The following KCND2 variants were observed in gnomAD, a reference collection of about 807,000 sequenced individuals.
KCND2 encodes A-type voltage-gated potassium channel KCND2.
In KCND2, 16 loss-of-function variants were observed where a neutral mutation model predicts 54.4. The ratio of observed to expected loss-of-function variants is 0.29; its 90% confidence interval spans 0.20 to 0.45. The LOEUF is 0.45. Ranked by LOEUF, KCND2 falls within the 20% of genes least tolerant of loss-of-function variation. The pLI is 1.00. For missense variants in KCND2, 486 were observed against 824.2 expected, an observed-to-expected ratio of 0.59 and a Z score of 5.02; for synonymous variants, 317 against 310.7, an observed-to-expected ratio of 1.02 and a Z score of -0.21.
intron 1 of KCND2, among the ~76,000 whole-genome samples, chr7:120,461,161 G>T (rs951096700): frequency 5.9e-5 from 9 of 151,954 alleles, no homozygotes; most frequent in African/African-American, 2.2e-4. Flanking sequence ...CCTTTGCCCC[G>T]AGCACCCAGC....
intron 1 of KCND2, among the ~76,000 whole-genome samples, chr7:120,726,797 C>G (rs186649572): frequency 6.6e-6 from 1 of 152,194 alleles, no homozygotes; most frequent in Non-Finnish European, 1.5e-5. Flanking sequence ...GTACAGAATG[C>G]TCCTGAACTT....
chr7:120,685,959 A>C (rs865871780), intron 1 of KCND2, among the ~76,000 whole-genome samples: 1 of 152,206 alleles, frequency 6.6e-6, no homozygotes, highest in Non-Finnish European at 1.5e-5. Context: ...GATCTCACAG[A>C]GCACATTCAA....
intron 1 of KCND2, among the ~76,000 whole-genome samples, chr7:120,614,528 C>A (rs1792997601): frequency 6.6e-6 from 1 of 152,228 alleles, no homozygotes; most frequent in East Asian, 1.9e-4. Context: ...TGCCAACAAT[C>A]TCCTGAATTT....
chr7:120,381,052 G>A (rs532740884), intron 1 of KCND2, among the ~76,000 whole-genome samples: 28 of 152,116 alleles, frequency 1.8e-4, no homozygotes, highest in Admixed American at 3.9e-4. Flanking sequence ...TGAGGTGGGA[G>A]GATTACCTGA....
chr7:120,532,206 A>G (rs1426153442), intron 1 of KCND2, among the ~76,000 whole-genome samples: 1 of 152,110 alleles, frequency 6.6e-6, no homozygotes, highest in Non-Finnish European at 1.5e-5. Context: ...ATTAAAAAAT[A>G]AAATCCATGT....
intron 1 of KCND2, among the ~76,000 whole-genome samples, chr7:120,525,342 C>A (rs1791759619): frequency 6.6e-6 from 1 of 152,168 alleles, no homozygotes; most frequent in African/African-American, 2.4e-5. Flanking sequence ...CCAGGGCATG[C>A]AACTTACCCG....
At chr7:120,519,225 A>G (rs1803244936) in intron 1 of KCND2, among the ~76,000 whole-genome samples, 1 of 151,990 alleles carries the variant, frequency 6.6e-6, no homozygotes. Flanking sequence ...ACCTGTAATC[A>G]TAGCTACTTG....
chr7:120,339,292 G>A (rs1284322174), intron 1 of KCND2, among the ~76,000 whole-genome samples: 2 of 151,628 alleles, frequency 1.3e-5, no homozygotes, highest in African/African-American at 4.9e-5. Flanking sequence ...CCCCATTACT[G>A]CAGTATTCAA....
chr7:120,447,130 T>C (rs559545261), intron 1 of KCND2, among the ~76,000 whole-genome samples: 13 of 152,152 alleles, frequency 8.5e-5, no homozygotes, highest in African/African-American at 2.6e-4. Flanking sequence ...TACTCAAACT[T>C]AGGAAGTTGG....
chr7:120,639,326 A>G (rs989051400), intron 1 of KCND2, among the ~76,000 whole-genome samples: 7 of 152,194 alleles, frequency 4.6e-5, no homozygotes, highest in Admixed American at 2.0e-4. Context: ...TTCTTTCAAT[A>G]TGATACATTT....
At chr7:120,670,915 CAA>C (rs201567194) in intron 1 of KCND2, among the ~76,000 whole-genome samples, 10 of 93,334 alleles carry the variant, frequency 1.1e-4, no homozygotes, top group Non-Finnish European at 6.9e-5. Flanking sequence ...GGCTCCGTCT[CAA>C]AAAAAAAAAA....
At chr7:120,646,792 A>G (rs1235634940) in intron 1 of KCND2, among the ~76,000 whole-genome samples, 1 of 152,250 alleles carries the variant, frequency 6.6e-6, no homozygotes, top group Non-Finnish European at 1.5e-5. Context: ...TACAGACCAT[A>G]TTCCTTTAGA....
At chr7:120,280,969 A>G (rs548293144) in intron 1 of KCND2, among the ~76,000 whole-genome samples, 1 of 152,130 alleles carries the variant, frequency 6.6e-6, no homozygotes, top group Non-Finnish European at 1.5e-5. Flanking sequence ...TTATTCAAAC[A>G]GCACTGGGGT....
chr7:120,668,996 T>A (rs1466230902), intron 1 of KCND2, among the ~76,000 whole-genome samples: 1 of 152,136 alleles, frequency 6.6e-6, no homozygotes, highest in Non-Finnish European at 1.5e-5. Flanking sequence ...TTTAACAGTC[T>A]ATTCTTCATA....
chr7:120,397,306 G>T (rs546662231), intron 1 of KCND2, among the ~76,000 whole-genome samples: 1 of 152,060 alleles, frequency 6.6e-6, no homozygotes, highest in South Asian at 2.1e-4. Flanking sequence ...TACAGTCCCT[G>T]GTAGGTATGA....
intron 1 of KCND2, among the ~76,000 whole-genome samples, chr7:120,372,973 G>A (rs905295831): frequency 6.6e-6 from 1 of 151,734 alleles, no homozygotes; most frequent in African/African-American, 2.4e-5. Flanking sequence ...CTTCGGATTT[G>A]TGCCCTTAGC....
At chr7:120,652,201 G>C (rs547521803) in intron 1 of KCND2, among the ~76,000 whole-genome samples, 95 of 152,056 alleles carry the variant, frequency 6.2e-4, no homozygotes, top group Non-Finnish European at 1.3e-3. Flanking sequence ...TCAGCCTCCT[G>C]AGTAGCTGGG....
chr7:120,671,380 A>G (rs1208749403), intron 1 of KCND2, among the ~76,000 whole-genome samples: 1 of 152,030 alleles, frequency 6.6e-6, no homozygotes, highest in Non-Finnish European at 1.5e-5. Context: ...AGTAATGCTC[A>G]TACGCCCGCT....
chr7:120,549,686 A>G (rs1792082888), intron 1 of KCND2, among the ~76,000 whole-genome samples: 1 of 152,186 alleles, frequency 6.6e-6, no homozygotes, highest in Non-Finnish European at 1.5e-5. Flanking sequence ...CTAACTGAGT[A>G]AAATAGCTGT....
Sources: gnomAD v4.1 joint callset for allele counts (sites outside exome capture counted in the v4.1 genomes callset) on GRCh38, gnomAD v4.1.1 for gene constraint, MANE v1.5 for transcripts, NCBI Gene and HGNC (gene_info 2026-07-23, HGNC 2026-07-21) for gene names.